ZNF138: variants seen among roughly 807,000 people sequenced by gnomAD.
The protein encoded by ZNF138 is zinc finger protein 138, also known as zinc finger protein 138 (clone pHZ-32).
Under a neutral mutation model 33.0 loss-of-function variants are expected in ZNF138, and 33 were observed. That is an observed-to-expected ratio of 1.00 (90% CI 0.76 to 1.34). The LOEUF is 1.34. Ranked by LOEUF, ZNF138 falls within the 40% of genes most tolerant of loss-of-function variation. ZNF138 has a pLI of 0.00. For missense variants in ZNF138, 360 were observed against 370.8 expected, an observed-to-expected ratio of 0.97 and a Z score of 0.24; for synonymous variants, 139 against 120.4, an observed-to-expected ratio of 1.15 and a Z score of -1.01.
chr7:64,852,189 C>T, the ZNF138 span, among the ~76,000 whole-genome samples: 1 of 152,108 alleles, frequency 6.6e-6, no homozygotes, highest in Non-Finnish European at 1.5e-5. Context: ...GAAGCTGCCT[C>T]AAGATTAGGT....
chr7:64,841,523 T>C, the ZNF138 span, among the ~76,000 whole-genome samples: 2 of 152,230 alleles, frequency 1.3e-5, no homozygotes, highest in Admixed American at 1.3e-4. Flanking sequence ...AAAATATCAA[T>C]AGTGAAGAAA....
intron 3 of ZNF138, among the ~76,000 whole-genome samples, chr7:64,827,090 G>A (rs1789680146): frequency 1.4e-5 from 2 of 142,554 alleles, no homozygotes; most frequent in South Asian, 2.3e-4. Context: ...TCATTTTTCA[G>A]CATAAGGGAC....
chr7:64,814,344 G>C (rs1266286720), intron 1 of ZNF138, among the ~76,000 whole-genome samples: 2 of 152,306 alleles, frequency 1.3e-5, no homozygotes, highest in East Asian at 3.9e-4. Context: ...AAATGGACAT[G>C]TTTGTGTTTA....
intron 3 of ZNF138, among the ~76,000 whole-genome samples, chr7:64,826,528 G>T (rs957884256): frequency 6.6e-6 from 1 of 152,106 alleles, no homozygotes; most frequent in African/African-American, 2.4e-5. Flanking sequence ...TGATCTGCCC[G>T]CCTCGGCTTC....
intron 1 of ZNF138, among the ~76,000 whole-genome samples, chr7:64,794,790 T>A (rs1458213009): frequency 6.6e-6 from 1 of 152,174 alleles, no homozygotes; most frequent in Non-Finnish European, 1.5e-5. Context: ...GCGCAGTGAC[T>A]GTGCCCTGGC....
At position 64,824,790 on chromosome 7, in the gene ZNF138, T is replaced by C. The variant is rs574747267; in HGVS notation, c.209-6661T>C. Reference sequence around the variant, plus strand: ...TAATTATGACTTCCTCACGCAATTGTGGTTACTATTTGCATAGAATAAAGA... The same window carrying C: ...TAATTATGACTTCCTCACGCAATTGCGGTTACTATTTGCATAGAATAAAGA... On this transcript the variant is annotated intron_variant, in intron 3 of 3. Transcript: ENST00000307355. Among the ~76,000 whole-genome samples, 4 of 152,276 alleles carry C rather than the reference T, an allele frequency of 2.6e-5. No homozygotes were observed. The South Asian group carries it at 6.2e-4, about 24-fold the overall frequency.
chr7:64,821,371 G>A lies in ZNF138; in HGVS notation c.208+5718G>A, dbSNP rs973125356. On this transcript the variant is annotated intron_variant, in intron 3 of 3. Transcript: ENST00000307355. ...CCCAAAGTGCTGGGATTATAGGTGTGAGCCACGGTGCCCAGCCTAGGTAAT... is the reference window on the plus strand; with the variant it reads ...CCCAAAGTGCTGGGATTATAGGTGTAAGCCACGGTGCCCAGCCTAGGTAAT... Among the ~76,000 whole-genome samples, 2 of 151,392 alleles carry A rather than the reference G, an allele frequency of 1.3e-5. 1 individual carries two copies. Among genetic ancestry groups the A allele is most frequent in the African/African-American group, 4.9e-5 (2 of 40,744 alleles).
intron 1 of ZNF138, among the ~76,000 whole-genome samples, chr7:64,803,573 A>AC (rs1787334777): frequency 6.6e-6 from 1 of 152,194 alleles, no homozygotes; most frequent in African/African-American, 2.4e-5. Flanking sequence ...TAGCATAGTT[A>AC]TGTGTAGTGT....
chr7:64,852,546 G>C, the ZNF138 span: 1 of 1,571,502 alleles, frequency 6.4e-7, no homozygotes, highest in South Asian at 1.1e-5. Flanking sequence ...CCATATTTGG[G>C]GGACTTTATC....
the ZNF138 span, among the ~76,000 whole-genome samples, chr7:64,850,012 G>T: frequency 1.3e-5 from 2 of 152,258 alleles, no homozygotes; most frequent in African/African-American, 2.4e-5. Flanking sequence ...TCAGCTGGAG[G>T]TTTCCTTCTC....
chr7:64,848,477 T>A, the ZNF138 span, among the ~76,000 whole-genome samples: 1 of 152,012 alleles, frequency 6.6e-6, no homozygotes, highest in Non-Finnish European at 1.5e-5. Flanking sequence ...TCTCTAAGTG[T>A]GTACTTCATT....
chr7:64,820,942 A>G (rs1451222367), intron 3 of ZNF138, among the ~76,000 whole-genome samples: 3 of 151,516 alleles, frequency 2.0e-5, no homozygotes, highest in African/African-American at 7.3e-5. Context: ...TCCACCAACA[A>G]TCAACATGGA....
the ZNF138 span, among the ~76,000 whole-genome samples, chr7:64,854,191 C>T: frequency 2.0e-5 from 3 of 152,118 alleles, no homozygotes; most frequent in African/African-American, 7.2e-5. Context: ...TTAGAGGATT[C>T]TACTATACTG....
intron 1 of ZNF138, among the ~76,000 whole-genome samples, chr7:64,805,414 A>AACAAAAC (rs371227558): frequency 0.35 from 46,739 of 135,212 alleles, 7,966 homozygotes; most frequent in Admixed American, 0.41. Context: ...AACAAAACAA[A>AACAAAAC]AAAAAAAACT....
At chr7:64,812,359 C>T (rs1788247566) in intron 1 of ZNF138, among the ~76,000 whole-genome samples, 1 of 152,094 alleles carries the variant, frequency 6.6e-6, no homozygotes, top group African/African-American at 2.4e-5. Flanking sequence ...AAGGTTTCGC[C>T]ATGTTGGCCA....
chr7:64,849,976 A>G, the ZNF138 span, among the ~76,000 whole-genome samples: 2 of 152,124 alleles, frequency 1.3e-5, no homozygotes, highest in Non-Finnish European at 2.9e-5. Context: ...AGGAGACTTC[A>G]CGTTTGGTTA....
chr7:64,836,343 T>A (rs1256009637), downstream of ZNF138: 2 of 152,132 alleles, frequency 1.3e-5, no homozygotes, highest in African/African-American at 2.4e-5. Flanking sequence ...CTTCTGAAAT[T>A]AAAAACCACG....
At chr7:64,845,743 C>T in the ZNF138 span, among the ~76,000 whole-genome samples, 5 of 152,072 alleles carry the variant, frequency 3.3e-5, no homozygotes, top group South Asian at 8.3e-4. Context: ...ATTGTCTTTT[C>T]GTGTTTTTAG....
At chr7:64,806,285 C>T (rs1403663915) in intron 1 of ZNF138, among the ~76,000 whole-genome samples, 3 of 152,160 alleles carry the variant, frequency 2.0e-5, no homozygotes. Flanking sequence ...CTATAGTTAA[C>T]ATTTAGAGAG....
Sources: allele counts gnomAD v4.1 joint callset (sites outside exome capture counted in the v4.1 genomes callset), GRCh38; gene constraint gnomAD v4.1.1; transcripts MANE v1.5; gene names NCBI Gene and HGNC (gene_info 2026-07-23, HGNC 2026-07-21).